Variants in KDM4B observed in about 807,000 individuals in gnomAD.
The protein encoded by KDM4B is lysine-specific demethylase 4B.
Under a neutral mutation model 125.2 loss-of-function variants are expected in KDM4B, and 32 were observed. The observed-to-expected ratio is 0.26, with a 90% CI of 0.19 to 0.34. The LOEUF (loss-of-function observed/expected upper bound fraction) is 0.34. Among genes scored for constraint, KDM4B ranks in the 10% least tolerant of loss-of-function variants. The pLI, the probability that KDM4B is intolerant of heterozygous loss-of-function variation, is 1.00. For synonymous variants in KDM4B, 721 were observed against 677.9 expected, an observed-to-expected ratio of 1.06 and a Z score of -0.99; for missense variants, 1,190 against 1,577.7, an observed-to-expected ratio of 0.75 and a Z score of 4.16.
chr19:5,126,911 C>T (rs1006149031), intron 11 of KDM4B, among the ~76,000 whole-genome samples: 19 of 152,192 alleles, frequency 1.2e-4, no homozygotes, highest in African/African-American at 4.3e-4. Context: ...TCGGCAGCCT[C>T]GGAGCAGGAA....
intron 12 of KDM4B, 77 bp from the exon 13 acceptor site, chr19:5,131,810 G>T: frequency 6.3e-7 from 1 of 1,591,336 alleles, no homozygotes; most frequent in Middle Eastern, 1.7e-4. Context: ...GGCACGCCGA[G>T]CCCCTGTGTG....
In KDM4B at chr19:5,028,933, G is replaced by C. The variant is rs550050921; in HGVS notation, c.-25-3933G>C. Among the ~76,000 whole-genome samples the C allele has an allele frequency of 2.4e-3, 359 of 152,180 alleles. 1 individual carries two copies. The highest frequency in any genetic ancestry group is 3.9e-3 in the Non-Finnish European group (265 of 68,012). ...TTGCTGGTTTTTTAGACATGGTTTCGCTCCTGTAGCCCAGGCTGGAAGGCT... is the reference window on the plus strand; with the variant it reads ...TTGCTGGTTTTTTAGACATGGTTTCCCTCCTGTAGCCCAGGCTGGAAGGCT... On this transcript the variant is annotated intron_variant, in intron 2 of 22. Coordinates refer to ENST00000159111, the MANE Select transcript of KDM4B (RefSeq NM_015015.3).
intron 5 of KDM4B, 47 bp downstream of exon 5, chr19:5,041,298 G>A (rs1277226817): frequency 6.8e-7 from 1 of 1,464,742 alleles, no homozygotes; most frequent in Non-Finnish European, 9.5e-7. Flanking sequence ...TTCCTGGTGG[G>A]TGGTGGTGGG....
intron 3 of KDM4B, among the ~76,000 whole-genome samples, chr19:5,034,385 C>T (rs1568243084): frequency 6.6e-6 from 1 of 152,212 alleles, no homozygotes. Context: ...AACGCCTAGG[C>T]TCTGTGAGCC....
At chr19:5,034,597 C>A (rs1296539103) in intron 3 of KDM4B, among the ~76,000 whole-genome samples, 1 of 152,216 alleles carries the variant, frequency 6.6e-6, no homozygotes. Context: ...GGGGCTGATT[C>A]GGCCCGAGGG....
At chr19:5,045,085 C>T (rs1233990500) in intron 5 of KDM4B, among the ~76,000 whole-genome samples, 3 of 152,192 alleles carry the variant, frequency 2.0e-5, no homozygotes, top group Non-Finnish European at 4.4e-5. Context: ...TGCTGGACCA[C>T]GTGGTGAGAG....
Position 5,151,456 on chromosome 19 carries a change from T to C in KDM4B, c.3236T>C (p.Val1079Ala). 6.5e-7 allele frequency: 1 copy of C among 1,529,282 alleles called. No individual in the cohort carries two copies. The allele number at this position is 1,529,282 out of a possible 1,614,324, so 94.7% of individuals were successfully genotyped here. The change falls in exon 23 of 23, where the codon GTG becomes GCG. Residue 1079 changes from valine (V) to alanine (A), a missense_variant. Transcript: ENST00000159111. ...GACTCCGGGCGGAGCCAGGACTACG[T>C]GGCCTTCGTGGAGAGCCTCCTGCAG... ...TEDSGRSQDY[V>A]AFVESLLQVQ...
rs375741554 is a variant in KDM4B at position 5,141,738 on chromosome 19, A to T, written c.2551-2229A>T. Among the ~76,000 whole-genome samples the T allele has an allele frequency of 6.6e-6, 1 of 152,120 alleles. No individual in the cohort carries two copies. The highest frequency in any genetic ancestry group is 1.9e-4 in the East Asian group (1 of 5,172). ...GGCCGCCCGCCTGGGCCAAGTTATC[A>T]CCACGTTCTCAAGGCCGTGCTGCTG... On this transcript the variant is annotated intron_variant, in intron 18 of 22. Transcript: ENST00000159111. This position sits in a 1 kb window ranked among gnomAD's most constrained non-coding sequence, Gnocchi z 6.4.
chr19:5,002,414 TTCTC>T (rs906757203), intron 1 of KDM4B, among the ~76,000 whole-genome samples: 8 of 151,848 alleles, frequency 5.3e-5, no homozygotes, highest in Non-Finnish European at 8.8e-5. Context: ...TCTCTCTCCT[TTCTC>T]TCTCCTTTCT....
intron 9 of KDM4B, among the ~76,000 whole-genome samples, chr19:5,096,234 G>A (rs1599176290): frequency 6.6e-6 from 1 of 152,014 alleles, no homozygotes; most frequent in African/African-American, 2.4e-5. Context: ...CTACAGGTGC[G>A]CCACCACACC....
At chr19:5,037,839 C>A (rs537370730) in intron 3 of KDM4B, among the ~76,000 whole-genome samples, 53 of 152,368 alleles carry the variant, frequency 3.5e-4, no homozygotes, top group South Asian at 2.1e-3. Flanking sequence ...GCCACCTGCT[C>A]GCTGCGGCTG....
intron 8 of KDM4B, chr19:5,077,873 C>G (rs563557380): frequency 6.1e-5 from 13 of 212,538 alleles, no homozygotes; most frequent in Non-Finnish European, 1.1e-4. Context: ...CCGCCCCAGG[C>G]CACACCCTAA....
chr19:4,985,204 G>T (rs1328366684), intron 1 of KDM4B, among the ~76,000 whole-genome samples: 3 of 152,100 alleles, frequency 2.0e-5, no homozygotes, highest in Non-Finnish European at 4.4e-5. Flanking sequence ...CACGCCCGCA[G>T]TCCCAGCTAC....
intron 1 of KDM4B, among the ~76,000 whole-genome samples, chr19:5,007,071 G>T (rs1351726245): frequency 1.3e-5 from 2 of 152,184 alleles, no homozygotes; most frequent in African/African-American, 2.4e-5. Context: ...GGGGGAGGCG[G>T]AATCTTCTAG....
Position 5,131,884 on chromosome 19 carries a change from C to T in KDM4B, c.1786-3C>T, listed in dbSNP as rs1303875837. 6.2e-7 allele frequency: 1 copy of T among 1,612,794 alleles called. No individual in the cohort carries two copies. Among genetic ancestry groups the T allele is most frequent in the Admixed American group, 1.7e-5 (1 of 59,996 alleles). ...CCTCACTACAGCCTGTTGTGTGTTTCAGGCACCGTCCACATTTTCCAAATT... is the reference window on the plus strand; with the variant it reads ...CCTCACTACAGCCTGTTGTGTGTTTTAGGCACCGTCCACATTTTCCAAATT... On this transcript the variant is annotated splice_polypyrimidine_tract_variant and splice_region_variant and intron_variant, in intron 12 of 22. Transcript: ENST00000159111.
chr19:5,015,597 C>A (rs1454218991), intron 1 of KDM4B, among the ~76,000 whole-genome samples: 4 of 152,208 alleles, frequency 2.6e-5, no homozygotes, highest in African/African-American at 7.2e-5. Flanking sequence ...TGCCTGTAAT[C>A]CCAGTACTTT....
chr19:5,069,260 G>C (rs781305906), intron 6 of KDM4B, among the ~76,000 whole-genome samples: 1 of 151,982 alleles, frequency 6.6e-6, no homozygotes, highest in Non-Finnish European at 1.5e-5. Flanking sequence ...CGTGATGTTC[G>C]CCTCTTCTCT....
intron 9 of KDM4B, among the ~76,000 whole-genome samples, chr19:5,099,117 G>T (rs2038883611): frequency 6.6e-6 from 1 of 152,222 alleles, no homozygotes; most frequent in African/African-American, 2.4e-5. Context: ...CACACACTGG[G>T]TAGCAGTGGG....
At chr19:4,992,049 G>GA (rs1488774735) in intron 1 of KDM4B, among the ~76,000 whole-genome samples, 2 of 152,148 alleles carry the variant, frequency 1.3e-5, no homozygotes, top group Admixed American at 6.6e-5. Flanking sequence ...GAGTTCTCCA[G>GA]AGATGGAGGA....
Sources: gnomAD v4.1 joint callset for allele counts (sites outside exome capture counted in the v4.1 genomes callset) on GRCh38, gnomAD v4.1.1 for gene constraint, Gnocchi (gnomAD v3.1) non-coding constraint, MANE v1.5 for transcripts, NCBI Gene and HGNC (gene_info 2026-07-23, HGNC 2026-07-21) for gene names.